The following STXBP4 variants were observed in gnomAD, a reference collection of about 807,000 sequenced individuals.
The protein encoded by STXBP4 is syntaxin-binding protein 4.
In STXBP4, 55 loss-of-function variants were observed where a neutral mutation model predicts 76.1. That is an observed-to-expected ratio of 0.72 (90% CI 0.58 to 0.91). The LOEUF (loss-of-function observed/expected upper bound fraction) is 0.91, where lower values mean the gene tolerates loss of function less well. STXBP4 is among the 40% of genes least tolerant of loss of function. STXBP4 has a pLI of 0.00. For missense variants in STXBP4, 618 were observed against 636.9 expected, an observed-to-expected ratio of 0.97 and a Z score of 0.32; for synonymous variants, 201 against 220.2, an observed-to-expected ratio of 0.91 and a Z score of 0.77.
chr17:55,079,909 T>G (rs2079235355), intron 15 of STXBP4, among the ~76,000 whole-genome samples: 1 of 152,294 alleles, frequency 6.6e-6, no homozygotes, highest in South Asian at 2.1e-4. Flanking sequence ...AAGTAATGTT[T>G]TACTTCTTAT....
rs2080389258 is a variant in STXBP4, at chr17:55,168,436, T to C, written c.*8525T>C. 1 of 152,174 alleles carries C rather than the reference T, an allele frequency of 6.6e-6. No homozygotes were observed. Among genetic ancestry groups the C allele is most frequent in the African/African-American group, 2.4e-5 (1 of 41,448 alleles). The allele number at this position is 152,174 out of a possible 1,614,324, so 9.4% of individuals were successfully genotyped here. On this transcript the variant is annotated 3_prime_UTR_variant, in exon 18 of 18. Coordinates refer to ENST00000376352, the MANE Select transcript of STXBP4 (RefSeq NM_178509.6). ...TAAGACTGTTCATTGATTGTATTTC[T>C]TCTGTCTCTATAAGTACCATATTCC...
At chr17:55,035,528 A>G (rs2078585761) in intron 10 of STXBP4, among the ~76,000 whole-genome samples, 1 of 151,846 alleles carries the variant, frequency 6.6e-6, no homozygotes, top group African/African-American at 2.4e-5. Flanking sequence ...TTTTGCTGCA[A>G]AAAAACTTTA....
chr17:55,078,296 G>C (rs2079212737), intron 14 of STXBP4, 102 bp downstream of exon 14: 3 of 763,210 alleles, frequency 3.9e-6, no homozygotes, highest in Non-Finnish European at 6.4e-6. Flanking sequence ...ACATTCTCTA[G>C]TCTCAAAGCA....
chr17:55,051,212 G>A (rs1274222577), intron 12 of STXBP4, among the ~76,000 whole-genome samples: 1 of 151,772 alleles, frequency 6.6e-6, no homozygotes, highest in East Asian at 1.9e-4. Flanking sequence ...CTACTCATTC[G>A]AAAAATATAT....
Position 55,132,347 on chromosome 17 carries a change from C to T in STXBP4, c.1490-8963C>T, listed in dbSNP as rs565793279. Among the ~76,000 whole-genome samples, 787 of 152,058 alleles carry T rather than the reference C, an allele frequency of 5.2e-3. 7 individuals are homozygous for T. Among genetic ancestry groups the T allele is most frequent in the African/African-American group, 0.016 (681 of 41,484 alleles). On this transcript the variant is annotated intron_variant, in intron 16 of 17. Transcript: ENST00000376352. ...CTGGGATTACAGGTGTGTGCCACCA[C>T]GCCTGGCTAATTTTTGTATTTTTAG... is the stretch of plus-strand genomic sequence containing the variant.
the STXBP4 span, among the ~76,000 whole-genome samples, chr17:55,180,489 A>G: frequency 1.2e-4 from 19 of 152,140 alleles, no homozygotes; most frequent in Non-Finnish European, 2.2e-4. Flanking sequence ...AGTTCTTTTT[A>G]CTTGCTTTAT....
In STXBP4 at chr17:55,172,679, G is replaced by A. The variant is rs1296919797; in HGVS notation, c.*12768G>A. On this transcript the variant is annotated 3_prime_UTR_variant, in exon 18 of 18. Coordinates refer to ENST00000376352, the MANE Select transcript of STXBP4 (RefSeq NM_178509.6). ...AGTTTGCATCTCGTAATAACTTGGT[G>A]AGATAGGGCAAGCATTATTTCTAAT... 2 of 152,194 alleles carry A rather than the reference G, an allele frequency of 1.3e-5. No individual in the cohort carries two copies. Among genetic ancestry groups the A allele is most frequent in the Non-Finnish European group, 2.9e-5 (2 of 68,038 alleles). The allele number at this position is 152,194 out of a possible 1,614,324, so 9.4% of individuals were successfully genotyped here.
chr17:55,096,974 G>T lies in STXBP4; in HGVS notation c.1489+15791G>T, dbSNP rs184947671. ...CATCTTTAGTGACAAACACTGTGCT[G>T]ACCTCATAATAAATAAATAATAAAT... On this transcript the variant is annotated intron_variant, in intron 16 of 17. Coordinates refer to ENST00000376352, the MANE Select transcript of STXBP4 (RefSeq NM_178509.6). 1.8e-4 allele frequency among the ~76,000 whole-genome samples: 27 copies of T among 151,850 alleles called. 1 individual carries two copies. The East Asian group carries it at 3.7e-3, about 21-fold the overall frequency.
At chr17:55,043,141 A>G in intron 10 of STXBP4, 95 bp from the exon 11 acceptor site, 1 of 514,450 alleles carries the variant, frequency 1.9e-6, no homozygotes. Context: ...TTATTAGAAT[A>G]CAGAAGCCTA....
chr17:55,033,388 T>TAAATA (rs1555570864), intron 9 of STXBP4, among the ~76,000 whole-genome samples: 4 of 150,982 alleles, frequency 2.6e-5, no homozygotes, highest in Admixed American at 6.6e-5. Flanking sequence ...AATAAATAAA[T>TAAATA]AAATAAAATA....
chr17:55,039,684 T>C (rs1465725770), intron 10 of STXBP4, among the ~76,000 whole-genome samples: 1 of 151,874 alleles, frequency 6.6e-6, no homozygotes, highest in Admixed American at 6.6e-5. Context: ...AACAAGTATG[T>C]CATCAGTAGG....
chr17:55,114,063 A>G (rs1341041686), intron 16 of STXBP4, among the ~76,000 whole-genome samples: 3 of 152,044 alleles, frequency 2.0e-5, no homozygotes, highest in Non-Finnish European at 2.9e-5. Context: ...AATTGATCCT[A>G]TACTCTTTCC....
rs9898886 is a variant in STXBP4, at chr17:55,172,318, A to G, written c.*12407A>G. On this transcript the variant is annotated 3_prime_UTR_variant, in exon 18 of 18. Transcript: ENST00000376352. ...ACCCATTAACCCTGACTCTCTGAGA[A>G]TAGGACCCTGGCACCTGTGTTTTAA... 0.29 allele frequency: 44,559 copies of G among 152,172 alleles called. 6,910 individuals are homozygous for G. Among genetic ancestry groups the G allele is most frequent in the African/African-American group, 0.37 (15,447 of 41,494 alleles). The allele number at this position is 152,172 out of a possible 1,614,324, so 9.4% of individuals were successfully genotyped here.
At chr17:55,107,564 T>A (rs1441757902) in intron 16 of STXBP4, among the ~76,000 whole-genome samples, 1 of 152,214 alleles carries the variant, frequency 6.6e-6, no homozygotes, top group Non-Finnish European at 1.5e-5. Flanking sequence ...TTTTTCCACG[T>A]CTTCGTTTGA....
At chr17:55,037,429 T>A (rs936104767) in intron 10 of STXBP4, among the ~76,000 whole-genome samples, 2 of 152,064 alleles carry the variant, frequency 1.3e-5, no homozygotes, top group African/African-American at 4.8e-5. Context: ...ATTTATTTCC[T>A]CCTTACCAAT....
intron 16 of STXBP4, among the ~76,000 whole-genome samples, chr17:55,095,485 C>T (rs1425743406): frequency 6.6e-6 from 1 of 152,156 alleles, no homozygotes; most frequent in Non-Finnish European, 1.5e-5. Flanking sequence ...AAAGTATTAA[C>T]AGCTCATCTC....
intron 16 of STXBP4, 73 bp from the exon 17 acceptor site, chr17:55,141,237 G>A: frequency 1.7e-6 from 2 of 1,185,398 alleles, no homozygotes; most frequent in South Asian, 1.3e-5. Context: ...AAAGATGAGG[G>A]AGGTTTGTGT....
intron 1 of STXBP4, among the ~76,000 whole-genome samples, chr17:54,981,272 A>G (rs958660486): frequency 6.6e-6 from 1 of 151,982 alleles, no homozygotes; most frequent in Admixed American, 6.6e-5. Flanking sequence ...TAAACAACCA[A>G]AAACAACCAG....
intron 10 of STXBP4, among the ~76,000 whole-genome samples, chr17:55,041,356 A>C (rs1483365489): frequency 6.6e-6 from 1 of 151,014 alleles, no homozygotes; most frequent in African/African-American, 2.4e-5. Context: ...AGCTGGAACT[A>C]CAGGAGTACC....
Sources: allele counts gnomAD v4.1 joint callset (sites outside exome capture counted in the v4.1 genomes callset), GRCh38; gene constraint gnomAD v4.1.1; transcripts MANE v1.5; gene names NCBI Gene and HGNC (gene_info 2026-07-23, HGNC 2026-07-21).